Variants in CALN1 observed in about 807,000 individuals in gnomAD.
CALN1 encodes calcium-binding protein 8.
A neutral mutation model predicts 30.6 loss-of-function variants in CALN1; 17 were observed. The ratio of observed to expected loss-of-function variants is 0.56; its 90% confidence interval spans 0.38 to 0.83. The LOEUF (loss-of-function observed/expected upper bound fraction) is 0.83, where lower values mean the gene tolerates loss of function less well. Among genes scored for constraint, CALN1 ranks in the 40% least tolerant of loss-of-function variants. The probability of loss-of-function intolerance (pLI) is 0.00; values close to 1 mark genes in which losing one functional copy is unlikely to be tolerated. For synonymous variants in CALN1, 156 were observed against 131.4 expected (o/e 1.19, Z -1.28); for missense variants, 291 against 354.9 (o/e 0.82, Z 1.45).
At chr7:72,228,366 C>G (rs1793835383) in intron 3 of CALN1, among the ~76,000 whole-genome samples, 1 of 151,726 alleles carries the variant, frequency 6.6e-6, no homozygotes, top group African/African-American at 2.4e-5. Flanking sequence ...GGCTTCCCCA[C>G]TGGGTTGAGA....
At chr7:71,907,002 G>A (rs1372519455) in intron 5 of CALN1, among the ~76,000 whole-genome samples, 1 of 152,156 alleles carries the variant, frequency 6.6e-6, no homozygotes, top group East Asian at 1.9e-4. Flanking sequence ...GAGGCAGGGG[G>A]CAGGGCCTGG....
chr7:72,295,744 C>A (rs981164366), intron 2 of CALN1, among the ~76,000 whole-genome samples: 28 of 151,524 alleles, frequency 1.8e-4, no homozygotes, highest in Admixed American at 1.4e-3. Flanking sequence ...AGTTGCTTAT[C>A]AGCTTAAGGA....
intron 2 of CALN1, among the ~76,000 whole-genome samples, chr7:72,316,852 G>A (rs1800487135): frequency 6.6e-6 from 1 of 151,824 alleles, no homozygotes; most frequent in African/African-American, 2.4e-5. Context: ...GGCTGAGGCA[G>A]GAGGATCACT....
chr7:72,057,428 A>G (rs1015689019), intron 4 of CALN1, among the ~76,000 whole-genome samples: 1 of 132,818 alleles, frequency 7.5e-6, no homozygotes, highest in Non-Finnish European at 1.5e-5. Context: ...CTTTTCTGGA[A>G]TCTGTCCCAA....
chr7:72,420,083 G>A (rs886933257), intron 1 of CALN1, among the ~76,000 whole-genome samples: 5 of 152,124 alleles, frequency 3.3e-5, no homozygotes, highest in South Asian at 2.1e-4. Context: ...ACACTTAGCT[G>A]TCCACAGTCT....
At chr7:71,985,107 C>T (rs1798594072) in intron 5 of CALN1, among the ~76,000 whole-genome samples, 1 of 151,788 alleles carries the variant, frequency 6.6e-6, no homozygotes, top group Non-Finnish European at 1.5e-5. Flanking sequence ...GACACACCAC[C>T]AAATTGAAAA....
chr7:72,126,018 C>A (rs1808738255), intron 3 of CALN1, among the ~76,000 whole-genome samples: 1 of 152,062 alleles, frequency 6.6e-6, no homozygotes, highest in Non-Finnish European at 1.5e-5. Flanking sequence ...CCAGGCTGGC[C>A]TCAAACTCCT....
At chr7:71,970,794 G>A (rs774747356) in intron 5 of CALN1, among the ~76,000 whole-genome samples, 5 of 152,066 alleles carry the variant, frequency 3.3e-5, no homozygotes, top group Admixed American at 1.3e-4. Flanking sequence ...CCATCCCAGC[G>A]TTTTCCTATT....
intron 2 of CALN1, among the ~76,000 whole-genome samples, chr7:72,384,906 G>A (rs1181770417): frequency 6.6e-6 from 1 of 152,074 alleles, no homozygotes; most frequent in African/African-American, 2.4e-5. Flanking sequence ...ACGCATATCT[G>A]ATAAAGGACT....
chr7:72,330,610 T>C (rs1801608115), intron 2 of CALN1, among the ~76,000 whole-genome samples: 1 of 152,192 alleles, frequency 6.6e-6, no homozygotes, highest in South Asian at 2.1e-4. Flanking sequence ...AAGGGTACCA[T>C]CTCTGTCTGA....
At chr7:71,989,047 T>C (rs1194770095) in intron 5 of CALN1, among the ~76,000 whole-genome samples, 1 of 152,138 alleles carries the variant, frequency 6.6e-6, no homozygotes, top group African/African-American at 2.4e-5. Flanking sequence ...TATCAGCCAA[T>C]TGCATGCTGG....
At chr7:72,018,613 T>C (rs1186845033) in intron 5 of CALN1, among the ~76,000 whole-genome samples, 1 of 152,136 alleles carries the variant, frequency 6.6e-6, no homozygotes, top group Non-Finnish European at 1.5e-5. Flanking sequence ...CCCTGGGGCA[T>C]GACTCTCAGA....
At chr7:72,337,439 CA>C in intron 2 of CALN1, 8 of 221,200 alleles carry the variant, frequency 3.6e-5, no homozygotes, top group Non-Finnish European at 6.1e-5. Context: ...CACACACACA[CA>C]CGCATGCACA....
intron 5 of CALN1, among the ~76,000 whole-genome samples, chr7:71,852,454 T>C (rs534561182): frequency 7.1e-6 from 1 of 140,920 alleles, no homozygotes; most frequent in African/African-American, 2.8e-5. Flanking sequence ...CTGGGCATTA[T>C]AGTGAGACCC....
At chr7:72,235,863 C>A (rs940773430) in intron 3 of CALN1, among the ~76,000 whole-genome samples, 1 of 151,928 alleles carries the variant, frequency 6.6e-6, no homozygotes, top group Non-Finnish European at 1.5e-5. Context: ...TGTACTTGCA[C>A]CCTCTGCAAA....
intron 3 of CALN1, among the ~76,000 whole-genome samples, chr7:72,278,472 T>TACACACACACATACACAC (rs1797502419): frequency 1.4e-5 from 2 of 143,982 alleles, no homozygotes; most frequent in African/African-American, 5.1e-5. Context: ...ATCAGGTCTG[T>TACACACACACATACACAC]ACACACACAC....
At chr7:72,468,103 G>A in the CALN1 span, among the ~76,000 whole-genome samples, 1 of 152,116 alleles carries the variant, frequency 6.6e-6, no homozygotes, top group Non-Finnish European at 1.5e-5. Flanking sequence ...TCCCATAATA[G>A]TCCATTGCAT....
rs1050689571 is a variant in CALN1 at position 72,160,053 on chromosome 7, T to TG, written c.245-53760dup. 5.3e-4 allele frequency among the ~76,000 whole-genome samples: 80 copies of TG among 152,256 alleles called. 1 individual carries two copies. The highest frequency in any genetic ancestry group is 1.8e-3 in the African/African-American group (73 of 41,562). On this transcript the variant is annotated intron_variant, in intron 3 of 6. Coordinates refer to ENST00000395275, the MANE Select transcript of CALN1 (RefSeq NM_031468.4). ...ACAGACAGAAAGGCAAGGGCTTGTC[T>TG]GGGCAACCAACCCAAACAAGTCCAT...
At chr7:72,206,795 T>C (rs571520432) in intron 3 of CALN1, among the ~76,000 whole-genome samples, 21 of 152,334 alleles carry the variant, frequency 1.4e-4, no homozygotes, top group East Asian at 1.2e-3. Flanking sequence ...ATTGAAGATA[T>C]GGTTTTTCCT....
Sources: allele counts gnomAD v4.1 joint callset (sites outside exome capture counted in the v4.1 genomes callset), GRCh38; gene constraint gnomAD v4.1.1; transcripts MANE v1.5; gene names NCBI Gene and HGNC (gene_info 2026-07-23, HGNC 2026-07-21).